The following RBFOX1 variants were observed in gnomAD, a reference collection of about 807,000 sequenced individuals.
The protein encoded by RBFOX1 is RNA binding fox-1 homolog 1, also known as RNA binding protein fox-1 homolog 1.
RBFOX1 carries 8 observed loss-of-function variants against 57.7 expected under a neutral mutation model. The ratio of observed to expected loss-of-function variants is 0.14; its 90% CI spans 0.08 to 0.25. The LOEUF is 0.25. RBFOX1 is among the 10% of genes least tolerant of loss of function. The pLI is 1.00. For missense variants in RBFOX1, 611 were observed against 548.5 expected (o/e 1.11, Z -1.14); for synonymous variants, 326 against 222.4 (o/e 1.47, Z -4.15).
At chr16:7,144,074 C>G (rs368092410) in intron 4 of RBFOX1, among the ~76,000 whole-genome samples, 1 of 152,122 alleles carries the variant, frequency 6.6e-6, no homozygotes, top group Admixed American at 6.5e-5. Context: ...TGTCTGTAGG[C>G]TTTTTCCCTT....
intron 4 of RBFOX1, among the ~76,000 whole-genome samples, chr16:7,250,442 G>A (rs574139158): frequency 4.6e-4 from 70 of 152,310 alleles, no homozygotes; most frequent in Middle Eastern, 3.4e-3. Flanking sequence ...TCCTTCCTAA[G>A]TGAACCACAA....
chr16:5,780,312 T>G (rs565571042), intron 3 of RBFOX1, among the ~76,000 whole-genome samples: 1 of 152,332 alleles, frequency 6.6e-6, no homozygotes, highest in South Asian at 2.1e-4. Flanking sequence ...TTATTATTTT[T>G]TATTATCTTT....
intron 11 of RBFOX1, among the ~76,000 whole-genome samples, chr16:7,647,530 C>T (rs2063986602): frequency 7.2e-6 from 1 of 139,480 alleles, no homozygotes; most frequent in African/African-American, 2.7e-5. Context: ...TGTGAGTTAA[C>T]TTGAAATTGA....
At chr16:7,211,385 G>C (rs553468293) in intron 4 of RBFOX1, among the ~76,000 whole-genome samples, 18 of 80,812 alleles carry the variant, frequency 2.2e-4, no homozygotes, top group Non-Finnish European at 3.5e-4. Context: ...GAGTGAGACT[G>C]CCTCTCAAAA....
rs1386134729 is a variant in RBFOX1 at position 6,288,533 on chromosome 16, T to C, written c.-126-28462T>C. On this transcript the variant is annotated intron_variant, in intron 1 of 15. Coordinates refer to ENST00000550418, the MANE Select transcript of RBFOX1 (RefSeq NM_018723.4). ...TTTGTGACAAACCACATACATGTCC[T>C]ATGCTAGATACTGCGTCATTTTTGT... Among the ~76,000 whole-genome samples, 3 of 152,318 alleles carry C rather than the reference T, an allele frequency of 2.0e-5. No individual in the cohort carries two copies. In the East Asian group the frequency reaches 5.8e-4, roughly 29 times the overall value.
chr16:5,853,906 T>A (rs1320777666), intron 3 of RBFOX1, among the ~76,000 whole-genome samples: 1 of 152,230 alleles, frequency 6.6e-6, no homozygotes, highest in African/African-American at 2.4e-5. Context: ...ATTGCAGGCA[T>A]GTGCCACTGC....
Position 7,495,605 on chromosome 16 carries a change from G to A in RBFOX1, c.28-22542G>A, listed in dbSNP as rs74847049. On this transcript the variant is annotated intron_variant, in intron 4 of 15. Transcript: ENST00000550418. ...GCATTTTTTCGTATGTTTGTTGACT[G>A]TGTTTATATCTTCTTTTGAGAAATG... 7.0e-3 allele frequency among the ~76,000 whole-genome samples: 1,061 copies of A among 152,306 alleles called. 19 individuals carry two copies. Among genetic ancestry groups the A allele is most frequent in the African/African-American group, 0.025 (1,034 of 41,582 alleles).
chr16:7,023,745 C>G (rs1218292739), intron 3 of RBFOX1, among the ~76,000 whole-genome samples: 1 of 152,068 alleles, frequency 6.6e-6, no homozygotes, highest in South Asian at 2.1e-4. Flanking sequence ...TATCACTTAT[C>G]AATCCCTGTG....
At chr16:7,239,218 C>G (rs1034850130) in intron 4 of RBFOX1, among the ~76,000 whole-genome samples, 14 of 152,000 alleles carry the variant, frequency 9.2e-5, no homozygotes, top group African/African-American at 3.4e-4. Context: ...GCCAGGATGC[C>G]CAGGAAAAGG....
chr16:7,020,165 C>T (rs1405361693), intron 3 of RBFOX1, among the ~76,000 whole-genome samples: 1 of 152,056 alleles, frequency 6.6e-6, no homozygotes, highest in Non-Finnish European at 1.5e-5. Context: ...TTTATGCCAT[C>T]TTTATACCTC....
chr16:6,843,021 C>G (rs1259961015), intron 3 of RBFOX1, among the ~76,000 whole-genome samples: 2 of 151,968 alleles, frequency 1.3e-5, no homozygotes, highest in Non-Finnish European at 1.5e-5. Flanking sequence ...TTATGGCTGC[C>G]TAGTATTCCA....
At chr16:6,490,594 A>C (rs2095610436) in intron 2 of RBFOX1, among the ~76,000 whole-genome samples, 1 of 152,232 alleles carries the variant, frequency 6.6e-6, no homozygotes, top group Non-Finnish European at 1.5e-5. Context: ...ATGATTAAGC[A>C]CAGCTTACAA....
At chr16:5,744,737 A>T (rs1239351084) in intron 3 of RBFOX1, among the ~76,000 whole-genome samples, 1 of 152,122 alleles carries the variant, frequency 6.6e-6, no homozygotes, top group Non-Finnish European at 1.5e-5. Context: ...TGATTAAGTG[A>T]CGTGATTGTG....
intron 3 of RBFOX1, among the ~76,000 whole-genome samples, chr16:6,772,957 GGT>G (rs2078604482): frequency 7.1e-6 from 1 of 140,876 alleles, no homozygotes; most frequent in Non-Finnish European, 1.5e-5. Flanking sequence ...TATATATTTG[GGT>G]GTGGGGTGCA....
At position 6,765,942 on chromosome 16, in the gene RBFOX1, G is replaced by A. The variant is rs1236817133; in HGVS notation, c.-16+111292G>A. On this transcript the variant is annotated intron_variant, in intron 3 of 15. Coordinates refer to ENST00000550418, the MANE Select transcript of RBFOX1 (RefSeq NM_018723.4). Reference sequence around the variant, plus strand: ...GGGAACTAAGGTATGAGGATGCAAAGGTATACAGTATGATGGACATTGGAG... The same window carrying A: ...GGGAACTAAGGTATGAGGATGCAAAAGTATACAGTATGATGGACATTGGAG... 8.5e-5 allele frequency among the ~76,000 whole-genome samples: 13 copies of A among 152,216 alleles called. No homozygotes were observed. The East Asian group carries it at 2.1e-3, about 25-fold the overall frequency.
intron 3 of RBFOX1, among the ~76,000 whole-genome samples, chr16:6,958,877 AG>A (rs2082378417): frequency 6.6e-6 from 1 of 152,062 alleles, no homozygotes; most frequent in South Asian, 2.1e-4. Flanking sequence ...CCTTTTTTTG[AG>A]AACTGAGAAA....
chr16:5,702,223 G>A (rs542719563), intron 3 of RBFOX1, among the ~76,000 whole-genome samples: 2 of 152,290 alleles, frequency 1.3e-5, no homozygotes, highest in East Asian at 3.9e-4. Flanking sequence ...GGAGACCTCA[G>A]GAAACTTACA....
At chr16:7,705,291 G>A (rs1345843821) in intron 14 of RBFOX1, among the ~76,000 whole-genome samples, 2 of 152,128 alleles carry the variant, frequency 1.3e-5, no homozygotes, top group Non-Finnish European at 2.9e-5. Context: ...AGGATCACGA[G>A]GTCAGGAGAT....
chr16:6,960,973 C>CA (rs1168858782), intron 3 of RBFOX1, among the ~76,000 whole-genome samples: 762 of 36,138 alleles, frequency 0.021, 5 homozygotes, highest in African/African-American at 0.038. Flanking sequence ...ACTGAAAATA[C>CA]AAAAAAAAAA....
Sources: gnomAD v4.1 joint callset for allele counts (sites outside exome capture counted in the v4.1 genomes callset) on GRCh38, gnomAD v4.1.1 for gene constraint, MANE v1.5 for transcripts, NCBI Gene and HGNC (gene_info 2026-07-23, HGNC 2026-07-21) for gene names.